Variants in KLHL1 observed in about 807,000 individuals in gnomAD.
KLHL1 encodes the protein kelch like family member 1, also known as kelch-like protein 1.
KLHL1 carries 47 observed loss-of-function variants against 77.7 expected under a neutral mutation model. The observed-to-expected ratio is 0.60, with a 90% CI of 0.48 to 0.77. KLHL1 has a LOEUF of 0.77. Ranked by LOEUF, KLHL1 falls within the 30% of genes least tolerant of loss-of-function variation. The pLI, the probability that KLHL1 is intolerant of heterozygous loss-of-function variation, is 0.00. For synonymous variants in KLHL1, 360 were observed against 325.2 expected, an observed-to-expected ratio of 1.11 and a Z score of -1.15; for missense variants, 925 against 910.8, an observed-to-expected ratio of 1.02 and a Z score of -0.20.
intron 7 of KLHL1, among the ~76,000 whole-genome samples, chr13:69,788,992 A>AAGAT (rs1004392973): frequency 6.7e-6 from 1 of 149,968 alleles, no homozygotes; most frequent in Non-Finnish European, 1.5e-5. Flanking sequence ...TCAGGAGAAA[A>AAGAT]AGATAAACAC....
intron 7 of KLHL1, among the ~76,000 whole-genome samples, chr13:69,791,114 A>G (rs1409870956): frequency 6.6e-6 from 1 of 152,154 alleles, no homozygotes; most frequent in Admixed American, 6.5e-5. Context: ...TTAATCTATT[A>G]AATATGTTCA....
At chr13:69,923,909 G>A (rs1882724862) in intron 4 of KLHL1, among the ~76,000 whole-genome samples, 1 of 152,208 alleles carries the variant, frequency 6.6e-6, no homozygotes, top group Non-Finnish European at 1.5e-5. Context: ...GGCCTGGGAA[G>A]CCCCACCCTG....
chr13:69,969,055 G>C (rs1264913820), intron 2 of KLHL1, among the ~76,000 whole-genome samples: 1 of 92,552 alleles, frequency 1.1e-5, no homozygotes, highest in Admixed American at 1.1e-4. Flanking sequence ...CTTTTTAGGA[G>C]ATTTTTTTTC....
chr13:69,769,252 T>C (rs1875450619), intron 7 of KLHL1, among the ~76,000 whole-genome samples: 1 of 152,190 alleles, frequency 6.6e-6, no homozygotes, highest in Non-Finnish European at 1.5e-5. Context: ...AGGGTGAGTC[T>C]GGGTAGAGGC....
intron 7 of KLHL1, among the ~76,000 whole-genome samples, chr13:69,771,995 T>C (rs1357972321): frequency 6.6e-6 from 1 of 152,014 alleles, no homozygotes; most frequent in Non-Finnish European, 1.5e-5. Flanking sequence ...TCTATTGCCC[T>C]GGCAGGAATG....
chr13:70,027,508 G>T (rs1203895742), intron 1 of KLHL1, among the ~76,000 whole-genome samples: 1 of 151,074 alleles, frequency 6.6e-6, no homozygotes, highest in East Asian at 1.9e-4. Flanking sequence ...GTGGTAGTGT[G>T]ATGTGATTGC....
chr13:69,910,071 T>C (rs1209754071), intron 4 of KLHL1, among the ~76,000 whole-genome samples: 2 of 152,116 alleles, frequency 1.3e-5, no homozygotes, highest in Non-Finnish European at 2.9e-5. Context: ...GTGTGGCTAG[T>C]TCTTAAAGTA....
chr13:70,043,394 C>T (rs1886424073), intron 1 of KLHL1, among the ~76,000 whole-genome samples: 1 of 152,054 alleles, frequency 6.6e-6, no homozygotes, highest in Non-Finnish European at 1.5e-5. Context: ...AAGTTAAGAT[C>T]AATTTATTAT....
At chr13:69,887,385 C>T (rs150835420) in intron 4 of KLHL1, among the ~76,000 whole-genome samples, 4 of 152,230 alleles carry the variant, frequency 2.6e-5, no homozygotes, top group South Asian at 2.1e-4. Flanking sequence ...TGTTCTCTAT[C>T]GAGCAGCTTT....
intron 7 of KLHL1, among the ~76,000 whole-genome samples, chr13:69,766,255 C>T (rs890674242): frequency 3.9e-5 from 6 of 151,982 alleles, no homozygotes; most frequent in Non-Finnish European, 8.8e-5. Flanking sequence ...GGAATTAACC[C>T]TCAAAGGTAT....
chr13:69,968,837 T>A (rs753815807), intron 2 of KLHL1, among the ~76,000 whole-genome samples: 9 of 152,108 alleles, frequency 5.9e-5, no homozygotes, highest in Admixed American at 5.9e-4. Context: ...ATTTGAAACC[T>A]GCACGTTTTG....
chr13:69,755,904 C>T lies in KLHL1; in HGVS notation c.1640-15348G>A, dbSNP rs1052705904. Reference sequence around the variant, plus strand: ...TGCATTCAGCCTAATCACTTATTAGCTGTGGGATTTTGTGAAAATTTCTTA... The same window carrying T: ...TGCATTCAGCCTAATCACTTATTAGTTGTGGGATTTTGTGAAAATTTCTTA... On this transcript the variant is annotated intron_variant, in intron 7 of 10. Transcript: ENST00000377844. Among the ~76,000 whole-genome samples the T allele has an allele frequency of 2.2e-5, 3 of 135,562 alleles. No individual in the cohort carries two copies. The South Asian group carries it at 6.4e-4, about 29-fold the overall frequency. 88.9% of individuals were successfully genotyped at this position (135,562 alleles called of 152,430 possible). A position where few individuals can be genotyped will look rare whatever the true frequency, so the allele number is the denominator to read the frequency against.
intron 1 of KLHL1, among the ~76,000 whole-genome samples, chr13:70,015,801 T>A (rs1885642699): frequency 2.0e-5 from 3 of 152,276 alleles, no homozygotes; most frequent in East Asian, 3.9e-4. Flanking sequence ...CTGGACATAA[T>A]CCCATTATAT....
chr13:70,078,049 G>A (rs1887305103), intron 1 of KLHL1, among the ~76,000 whole-genome samples: 1 of 151,820 alleles, frequency 6.6e-6, no homozygotes, highest in South Asian at 2.1e-4. Context: ...CTCTCTAAAT[G>A]ATCTTTTTTC....
chr13:69,965,161 A>G (rs1437294169), intron 2 of KLHL1, among the ~76,000 whole-genome samples: 1 of 152,206 alleles, frequency 6.6e-6, no homozygotes, highest in Non-Finnish European at 1.5e-5. Context: ...ATTGCATTTC[A>G]CTTTACTGTG....
At chr13:69,804,702 A>C (rs1364966729) in intron 6 of KLHL1, among the ~76,000 whole-genome samples, 2 of 152,168 alleles carry the variant, frequency 1.3e-5, no homozygotes, top group Non-Finnish European at 2.9e-5. Flanking sequence ...TAAATAGAAC[A>C]ATCACTTATG....
intron 10 of KLHL1, among the ~76,000 whole-genome samples, chr13:69,704,717 T>C (rs1026381871): frequency 6.6e-6 from 1 of 151,916 alleles, no homozygotes; most frequent in Non-Finnish European, 1.5e-5. Context: ...TCTTTTCTCT[T>C]GGTCCAGATT....
intron 1 of KLHL1, among the ~76,000 whole-genome samples, chr13:70,046,761 G>A (rs912329657): frequency 5.3e-5 from 8 of 152,118 alleles, no homozygotes; most frequent in East Asian, 1.9e-4. Context: ...TGATCCGCCC[G>A]CCTCGGCCTT....
chr13:69,826,442 T>C (rs1456426913), intron 6 of KLHL1, among the ~76,000 whole-genome samples: 9 of 152,030 alleles, frequency 5.9e-5, no homozygotes, highest in Non-Finnish European at 1.3e-4. Context: ...AAAAAACCCA[T>C]AGTGGTGGGC....
Sources: allele counts gnomAD v4.1 joint callset (sites outside exome capture counted in the v4.1 genomes callset), GRCh38; gene constraint gnomAD v4.1.1; transcripts MANE v1.5; gene names NCBI Gene and HGNC (gene_info 2026-07-23, HGNC 2026-07-21).